The following COL14A1 variants were observed in gnomAD, a reference collection of about 807,000 sequenced individuals.
COL14A1 encodes collagen type XIV alpha 1 chain.
A neutral mutation model predicts 230.3 loss-of-function variants in COL14A1; 136 were observed. That is an observed-to-expected ratio of 0.59 (90% CI 0.51 to 0.68). The LOEUF is 0.68. Among genes scored for constraint, COL14A1 ranks in the 30% least tolerant of loss-of-function variants. The probability of loss-of-function intolerance (pLI) is 0.00; values close to 1 mark genes in which losing one functional copy is unlikely to be tolerated. For synonymous variants in COL14A1, 792 were observed against 784.1 expected, an observed-to-expected ratio of 1.01 and a Z score of -0.17; for missense variants, 1,976 against 2,215.8, an observed-to-expected ratio of 0.89 and a Z score of 2.17.
chr8:120,252,228 GT>G (rs1234328017), intron 22 of COL14A1, among the ~76,000 whole-genome samples: 3 of 151,948 alleles, frequency 2.0e-5, no homozygotes, highest in African/African-American at 7.2e-5. Context: ...GGTACAAGGG[GT>G]TTTTGGTTAC....
At chr8:120,322,446 G>A (rs1296779182) in intron 40 of COL14A1, among the ~76,000 whole-genome samples, 3 of 152,204 alleles carry the variant, frequency 2.0e-5, no homozygotes, top group African/African-American at 7.2e-5. Flanking sequence ...AGGTAAACAT[G>A]TGACATGAGG....
intron 14 of COL14A1, among the ~76,000 whole-genome samples, chr8:120,218,773 G>A (rs75360672): frequency 0.025 from 3,789 of 152,258 alleles, 124 homozygotes; most frequent in African/African-American, 0.08. Context: ...TGTGCATCCA[G>A]GACGCAGCCA....
intron 2 of COL14A1, among the ~76,000 whole-genome samples, chr8:120,150,808 A>C (rs1253328581): frequency 6.6e-6 from 1 of 152,150 alleles, no homozygotes; most frequent in East Asian, 1.9e-4. Context: ...TAGGGAAAAA[A>C]GATCAGCGCA....
chr8:120,152,930 T>C (rs1289929327), intron 2 of COL14A1, among the ~76,000 whole-genome samples: 3 of 152,210 alleles, frequency 2.0e-5, no homozygotes, highest in African/African-American at 7.2e-5. Flanking sequence ...GACCTCTGTG[T>C]TCACACGTTG....
intron 13 of COL14A1, among the ~76,000 whole-genome samples, chr8:120,216,032 C>T (rs989606929): frequency 6.6e-6 from 1 of 152,152 alleles, no homozygotes; most frequent in African/African-American, 2.4e-5. Context: ...TTTCAAGTTA[C>T]TTTGTTTTTA....
chr8:120,288,375 A>G (rs753544144), intron 33 of COL14A1, among the ~76,000 whole-genome samples: 67 of 152,142 alleles, frequency 4.4e-4, no homozygotes, highest in Non-Finnish European at 8.7e-4. Context: ...TGAAATAACA[A>G]TTGGTGTAAG....
At chr8:120,274,230 A>G (rs1469405403) in intron 26 of COL14A1, among the ~76,000 whole-genome samples, 2 of 151,828 alleles carry the variant, frequency 1.3e-5, no homozygotes, top group Admixed American at 6.6e-5. Flanking sequence ...AACAAAAACC[A>G]TATGTTCATC....
At chr8:120,262,840 TTTTTG>T in intron 23 of COL14A1, 23 bp from the exon 24 acceptor site, 4 of 1,582,862 alleles carry the variant, frequency 2.5e-6, no homozygotes, top group Non-Finnish European at 2.6e-6. Flanking sequence ...TATGTGTGTG[TTTTTG>T]TTTTGTTTTG....
intron 31 of COL14A1, among the ~76,000 whole-genome samples, chr8:120,283,242 T>G (rs540697750): frequency 1.3e-5 from 2 of 152,276 alleles, no homozygotes; most frequent in South Asian, 2.1e-4. Flanking sequence ...ATGTCATAAG[T>G]TATGTTTTAC....
At position 120,373,538 on chromosome 8, in the gene COL14A1, G is replaced by T. The variant is rs757423498; in HGVS notation, c.*2307G>T. On this transcript the variant is annotated 3_prime_UTR_variant, in exon 48 of 48. Coordinates refer to ENST00000297848, the MANE Select transcript of COL14A1 (RefSeq NM_021110.4). ...AATTTATAGTTTGTAAGTTTATACT[G>T]TTTTCTAAAAGTAATAAATCATTTC... Among the ~76,000 whole-genome samples, 3 of 151,966 alleles carry T rather than the reference G, an allele frequency of 2.0e-5. No homozygotes were observed. Among genetic ancestry groups the T allele is most frequent in the Non-Finnish European group, 4.4e-5 (3 of 67,996 alleles).
chr8:120,302,074 G>A (rs987866187), intron 36 of COL14A1, among the ~76,000 whole-genome samples: 4 of 151,822 alleles, frequency 2.6e-5, no homozygotes, highest in African/African-American at 9.7e-5. Flanking sequence ...TCTTTTTAAT[G>A]GGGTCATTTG....
At chr8:120,239,876 G>A (rs965563226) in intron 19 of COL14A1, among the ~76,000 whole-genome samples, 57 of 149,932 alleles carry the variant, frequency 3.8e-4, no homozygotes, top group Non-Finnish European at 8.1e-4. Context: ...CTTTTTCTGA[G>A]AAATACATTA....
intron 1 of COL14A1, among the ~76,000 whole-genome samples, chr8:120,136,138 G>C (rs1027332917): frequency 6.6e-6 from 1 of 152,062 alleles, no homozygotes; most frequent in South Asian, 2.1e-4. Context: ...CTCTAGTACA[G>C]TGTTGAGTGG....
intron 36 of COL14A1, among the ~76,000 whole-genome samples, chr8:120,307,061 A>C (rs534722168): frequency 2.0e-5 from 3 of 152,334 alleles, no homozygotes; most frequent in African/African-American, 7.2e-5. Context: ...TGAAGAAGGC[A>C]AATGAGGCTG....
rs759229037 is a variant in COL14A1 at position 120,278,095 on chromosome 8, C to T, written c.3214-16C>T. ...GTCTACATATGTGTGAAAATGAATACACCTTCTCTCTCCAGGTTGCAATGG... is the reference window on the plus strand; with the variant it reads ...GTCTACATATGTGTGAAAATGAATATACCTTCTCTCTCCAGGTTGCAATGG... On this transcript the variant is annotated splice_polypyrimidine_tract_variant and intron_variant, in intron 26 of 47. Coordinates refer to ENST00000297848, the MANE Select transcript of COL14A1 (RefSeq NM_021110.4). 2.5e-6 allele frequency: 4 copies of T among 1,593,072 alleles called. No homozygotes were observed. Among genetic ancestry groups the T allele is most frequent in the Middle Eastern group, 1.7e-4 (1 of 5,918 alleles).
chr8:120,260,615 G>T (rs1251399845), intron 23 of COL14A1, among the ~76,000 whole-genome samples: 1 of 152,158 alleles, frequency 6.6e-6, no homozygotes, highest in Admixed American at 6.6e-5. Context: ...GCAATTTATG[G>T]ATAAGATGAT....
At chr8:120,317,393 GTC>G (rs999971644) in intron 40 of COL14A1, among the ~76,000 whole-genome samples, 43 of 152,152 alleles carry the variant, frequency 2.8e-4, no homozygotes, top group African/African-American at 8.7e-4. Context: ...TCTCAGTGTA[GTC>G]TCTGTTCATC....
At chr8:120,218,459 G>A (rs769312619) in intron 14 of COL14A1, among the ~76,000 whole-genome samples, 20 of 151,518 alleles carry the variant, frequency 1.3e-4, no homozygotes, top group Non-Finnish European at 2.8e-4. Flanking sequence ...ACAGGCGTGC[G>A]CCACTGTGCC....
intron 22 of COL14A1, among the ~76,000 whole-genome samples, chr8:120,252,113 C>A (rs569230087): frequency 3.9e-5 from 6 of 152,110 alleles, no homozygotes; most frequent in Non-Finnish European, 8.8e-5. Context: ...GTAATGATCA[C>A]CACAATCAAA....
Sources: allele counts gnomAD v4.1 joint callset (sites outside exome capture counted in the v4.1 genomes callset), GRCh38; gene constraint gnomAD v4.1.1; transcripts MANE v1.5; gene names NCBI Gene and HGNC (gene_info 2026-07-23, HGNC 2026-07-21).